Variants in TRPA1 observed in about 807,000 individuals in gnomAD.
TRPA1 encodes the protein ankyrin-like with transmembrane domains 1.
Under a neutral mutation model 131.3 loss-of-function variants are expected in TRPA1, and 129 were observed. That is an observed-to-expected ratio of 0.98 (90% CI 0.85 to 1.14). The LOEUF (loss-of-function observed/expected upper bound fraction) is 1.14, where lower values mean the gene tolerates loss of function less well. Ranked by LOEUF, TRPA1 falls within the 50% of genes most tolerant of loss-of-function variation. The pLI, the probability that TRPA1 is intolerant of heterozygous loss-of-function variation, is 0.00. For missense variants in TRPA1, 1,304 were observed against 1,354.2 expected (o/e 0.96, Z 0.58); for synonymous variants, 441 against 451.7 (o/e 0.98, Z 0.30).
At chr8:72,053,358 C>T (rs771404660) in intron 13 of TRPA1, 5 of 264,542 alleles carry the variant, frequency 1.9e-5, no homozygotes, top group Non-Finnish European at 3.7e-5. Flanking sequence ...AGTTACTCTC[C>T]CCAAAGGAAG....
chr8:72,057,044 AATTCT>A (rs756133340), intron 9 of TRPA1, 27 bp from the exon 10 acceptor site: 1 of 1,508,704 alleles, frequency 6.6e-7, no homozygotes, highest in African/African-American at 1.4e-5. Context: ...TGTAAATATA[AATTCT>A]ATTCATTTAT....
At chr8:72,061,830 G>T in intron 6 of TRPA1, 69 bp from the exon 7 acceptor site, 2 of 1,529,144 alleles carry the variant, frequency 1.3e-6, no homozygotes, top group Non-Finnish European at 1.8e-6. Context: ...ATATTCAGCT[G>T]TGAGCTTTTT....
Position 72,036,442 on chromosome 8 carries a change from TA to T in TRPA1, c.2400del (p.Phe800LeufsTer4), listed in dbSNP as rs761216849. ...CATTCAAGAACATTGCTTATATCCATAAAATAATTCCTTTTCTGGGATAGAA... is the reference window on the plus strand; with the variant it reads ...CATTCAAGAACATTGCTTATATCCATAAATAATTCCTTTTCTGGGATAGAA... The part of the protein sequence containing the change: ...GQIFQQKRNY[F>X]MDISNVLEWI... On this transcript the variant is annotated frameshift_variant, in exon 21 of 27. Coordinates refer to ENST00000262209, the MANE Select transcript of TRPA1 (RefSeq NM_007332.3). LOFTEE classifies it high-confidence loss of function. 3.7e-6 allele frequency: 6 copies of T among 1,613,482 alleles called. No individual in the cohort carries two copies. Among genetic ancestry groups the T allele is most frequent in the African/African-American group, 1.3e-5 (1 of 74,880 alleles).
intron 7 of TRPA1, 139 bp from the exon 8 acceptor site, chr8:72,059,577 C>A: frequency 3.5e-6 from 2 of 570,360 alleles, no homozygotes; most frequent in Non-Finnish European, 3.0e-6. Flanking sequence ...AATTAGTAAG[C>A]TTTCAAAATT....
At chr8:72,081,687 G>T in the TRPA1 span, among the ~76,000 whole-genome samples, 3 of 151,644 alleles carry the variant, frequency 2.0e-5, no homozygotes, top group Admixed American at 6.6e-5. Flanking sequence ...GTTCTTAGAT[G>T]CATACTTATA....
At position 72,027,249 on chromosome 8, in the gene TRPA1, C is replaced by T. The variant is rs117592226; in HGVS notation, c.2938-1176G>A. 1.1e-4 allele frequency among the ~76,000 whole-genome samples: 16 copies of T among 152,204 alleles called. No homozygotes were observed. The East Asian group carries it at 2.3e-3, about 22-fold the overall frequency. On this transcript the variant is annotated intron_variant, in intron 24 of 26. Transcript: ENST00000262209. ...CAGATAAAATACATAGTGTGTCTTACACTGTTCATTATCTACATAGGTCCC... is the reference window on the plus strand; with the variant it reads ...CAGATAAAATACATAGTGTGTCTTATACTGTTCATTATCTACATAGGTCCC...
intron 10 of TRPA1, among the ~76,000 whole-genome samples, chr8:72,056,567 T>G (rs1468258494): frequency 1.3e-5 from 2 of 152,148 alleles, no homozygotes; most frequent in African/African-American, 4.8e-5. Flanking sequence ...GGAGTATTGA[T>G]AATTCATTCT....
chr8:72,061,770 G>A lies in TRPA1; in HGVS notation c.808-9C>T, dbSNP rs369839649. 1.9e-6 allele frequency: 3 copies of A among 1,613,398 alleles called. No individual in the cohort carries two copies. The highest frequency in any genetic ancestry group is 2.5e-6 in the Non-Finnish European group (3 of 1,179,710). ...GCTGTGCACCTTCCCTTCTGTAAAG[G>A]GTTTTAATGCTAGAATCAATGTTTA... On this transcript the variant is annotated splice_polypyrimidine_tract_variant and intron_variant, in intron 6 of 26. Transcript: ENST00000262209.
the TRPA1 span, among the ~76,000 whole-genome samples, chr8:72,083,562 T>A: frequency 6.7e-6 from 1 of 150,314 alleles, no homozygotes; most frequent in Non-Finnish European, 1.5e-5. Context: ...GTGAAACCCC[T>A]TCTCTACTAA....
chr8:72,049,982 G>A (rs1283323976), intron 15 of TRPA1, among the ~76,000 whole-genome samples: 2 of 151,572 alleles, frequency 1.3e-5, no homozygotes, highest in African/African-American at 2.4e-5. Context: ...TAAGTTCTAG[G>A]GTATGCACAA....
intron 26 of TRPA1, 37 bp from the exon 27 acceptor site, chr8:72,023,153 GTTC>G: frequency 2.5e-6 from 4 of 1,590,178 alleles, no homozygotes; most frequent in South Asian, 1.1e-5. Context: ...TTTATTTTCA[GTTC>G]TTCTTTTAGC....
At chr8:72,028,832 T>G (rs1033316061) in intron 24 of TRPA1, among the ~76,000 whole-genome samples, 1 of 152,180 alleles carries the variant, frequency 6.6e-6, no homozygotes, top group Non-Finnish European at 1.5e-5. Flanking sequence ...AGTGTGTGGC[T>G]GAATGAATAA....
intron 9 of TRPA1, among the ~76,000 whole-genome samples, chr8:72,057,319 A>T (rs1218356371): frequency 6.6e-6 from 1 of 152,216 alleles, no homozygotes; most frequent in Non-Finnish European, 1.5e-5. Flanking sequence ...ATCAAGAAAG[A>T]AGAAGATAGC....
intron 3 of TRPA1, 98 bp from the exon 4 acceptor site, chr8:72,065,656 T>C (rs1258849649): frequency 5.9e-6 from 5 of 842,056 alleles, no homozygotes; most frequent in South Asian, 1.4e-5. Flanking sequence ...CCAGGGACCA[T>C]GTCTGTTTAT....
At chr8:72,085,545 C>CTACTAGATATTAACTA in the TRPA1 span, among the ~76,000 whole-genome samples, 1 of 151,770 alleles carries the variant, frequency 6.6e-6, no homozygotes, top group African/African-American at 2.4e-5. Flanking sequence ...ACTTGAATTT[C>CTACTAGATATTAACTA]ATTTTTACTA....
chr8:72,058,599 C>T (rs1425293699), intron 8 of TRPA1, among the ~76,000 whole-genome samples: 1 of 152,166 alleles, frequency 6.6e-6, no homozygotes, highest in Non-Finnish European at 1.5e-5. Flanking sequence ...GAGGCTCTGC[C>T]ACAGTTCTCT....
At chr8:72,084,358 C>T in the TRPA1 span, among the ~76,000 whole-genome samples, 2 of 152,102 alleles carry the variant, frequency 1.3e-5, no homozygotes, top group African/African-American at 4.8e-5. Context: ...ATTTCTAAAT[C>T]TTCCCTATAT....
At chr8:72,075,689 C>T (rs1239350414), upstream of TRPA1, 5 of 484,512 alleles carry the variant, frequency 1.0e-5, no homozygotes, top group Non-Finnish European at 1.9e-5. Flanking sequence ...GGCGGCGCCG[C>T]GTCTGCCTTG....
intron 15 of TRPA1, among the ~76,000 whole-genome samples, chr8:72,050,121 G>T (rs982187886): frequency 2.0e-5 from 3 of 152,000 alleles, no homozygotes; most frequent in African/African-American, 7.2e-5. Context: ...AGGCCCCGGT[G>T]TGTGATGTTC....
Sources: gnomAD v4.1 joint callset for allele counts (sites outside exome capture counted in the v4.1 genomes callset) on GRCh38, gnomAD v4.1.1 for gene constraint, MANE v1.5 for transcripts, NCBI Gene and HGNC (gene_info 2026-07-23, HGNC 2026-07-21) for gene names.